CACNG3: variants seen among roughly 807,000 people sequenced by gnomAD.
CACNG3 encodes calcium voltage-gated channel auxiliary subunit gamma 3.
In CACNG3, 3 loss-of-function variants were observed where a neutral mutation model predicts 28.5. That is an observed-to-expected ratio of 0.11 (90% confidence interval 0.05 to 0.27). The LOEUF is 0.27. Among genes scored for constraint, CACNG3 ranks in the 10% least tolerant of loss-of-function variants. The pLI, the probability that CACNG3 is intolerant of heterozygous loss-of-function variation, is 1.00. For missense variants in CACNG3, 236 were observed against 414.4 expected, an observed-to-expected ratio of 0.57 and a Z score of 3.74; for synonymous variants, 174 against 162.2, an observed-to-expected ratio of 1.07 and a Z score of -0.55.
intron 1 of CACNG3, among the ~76,000 whole-genome samples, chr16:24,315,373 C>T (rs1224333607): frequency 6.6e-6 from 1 of 151,986 alleles, no homozygotes; most frequent in Admixed American, 6.6e-5. Context: ...TATCACATCA[C>T]TCCTTCCTAC....
At position 24,361,171 on chromosome 16, in the gene CACNG3, A is replaced by T. The variant is rs750305661; in HGVS notation, c.437-181A>T. ...CACATTGCCTGGAACTGAGCAGCAG[A>T]ATTCTTCATTTCCTAAGTGACAGAC... On this transcript the variant is annotated intron_variant, in intron 3 of 3. Transcript: ENST00000005284. The surrounding 1 kb of genome is among the most constrained non-coding windows in gnomAD (Gnocchi z 6.8). Among the ~76,000 whole-genome samples the T allele has an allele frequency of 2.0e-5, 3 of 152,154 alleles. No homozygotes were observed. Among genetic ancestry groups the T allele is most frequent in the Non-Finnish European group, 4.4e-5 (3 of 68,026 alleles).
chr16:24,290,243 C>G lies in CACNG3; in HGVS notation c.211+33278C>G, dbSNP rs1898949341. Among the ~76,000 whole-genome samples the G allele has an allele frequency of 2.0e-5, 3 of 152,054 alleles. No homozygotes were observed. The South Asian group carries it at 6.2e-4, about 32-fold the overall frequency. ...GAATTGGAGAGAGTGTCTAGTTATACAAAATAAGACAAAATAGGATAATTT... is the reference window on the plus strand; with the variant it reads ...GAATTGGAGAGAGTGTCTAGTTATAGAAAATAAGACAAAATAGGATAATTT... On this transcript the variant is annotated intron_variant, in intron 1 of 3. Transcript: ENST00000005284.
chr16:24,262,553 G>A (rs1304434079), intron 1 of CACNG3, among the ~76,000 whole-genome samples: 3 of 152,198 alleles, frequency 2.0e-5, no homozygotes, highest in African/African-American at 7.2e-5. Flanking sequence ...CCTTACTGGG[G>A]CTGCTCAGAT....
In CACNG3 at chr16:24,312,906, AG is replaced by A. The variant is rs962935704; in HGVS notation, c.212-33826del. On this transcript the variant is annotated intron_variant, in intron 1 of 3. Coordinates refer to ENST00000005284, the MANE Select transcript of CACNG3 (RefSeq NM_006539.4). ...AAAAAGAAAGAAAAGGAAAGAAAGA[AG>A]GAAGGAAGGAAGGAAGAAAGAAAGA... Among the ~76,000 whole-genome samples, 53 of 80,076 alleles carry A rather than the reference AG, an allele frequency of 6.6e-4. 1 individual carries two copies. The highest frequency in any genetic ancestry group is 2.7e-3 in the African/African-American group (52 of 19,352). The allele number at this position is 80,076 out of a possible 152,430, so 52.5% of individuals were successfully genotyped here.
chr16:24,277,974 C>G (rs1254430327), intron 1 of CACNG3, among the ~76,000 whole-genome samples: 1 of 152,154 alleles, frequency 6.6e-6, no homozygotes, highest in East Asian at 1.9e-4. Context: ...CTTGGACTCC[C>G]AAAGTGCTGG....
intron 3 of CACNG3, among the ~76,000 whole-genome samples, chr16:24,360,901 C>A (rs1815403229): frequency 6.6e-6 from 1 of 152,162 alleles, no homozygotes. Context: ...CCTCCTGAAC[C>A]ATTTTTATGT....
intron 1 of CACNG3, among the ~76,000 whole-genome samples, chr16:24,340,573 A>G: frequency 6.6e-6 from 1 of 152,196 alleles, no homozygotes; most frequent in East Asian, 1.9e-4. Flanking sequence ...AAAAAGAAAA[A>G]AAGAGTATCC....
chr16:24,296,693 T>G (rs1322728820), intron 1 of CACNG3, among the ~76,000 whole-genome samples: 1 of 152,148 alleles, frequency 6.6e-6, no homozygotes, highest in Non-Finnish European at 1.5e-5. Context: ...TCTGAATAAG[T>G]GAATTAACTT....
intron 2 of CACNG3, among the ~76,000 whole-genome samples, chr16:24,347,168 A>G (rs1476165023): frequency 6.6e-6 from 1 of 152,162 alleles, no homozygotes; most frequent in African/African-American, 2.4e-5. Context: ...AAATTAAAAA[A>G]TTAGCTGCAT....
chr16:24,338,238 T>C (rs531074112), intron 1 of CACNG3, among the ~76,000 whole-genome samples: 1 of 152,140 alleles, frequency 6.6e-6, no homozygotes, highest in Non-Finnish European at 1.5e-5. Flanking sequence ...TGAGCTCAAG[T>C]GTCCCTTCTG....
At chr16:24,358,575 AG>A (rs543412658) in intron 3 of CACNG3, among the ~76,000 whole-genome samples, 17 of 152,226 alleles carry the variant, frequency 1.1e-4, no homozygotes, top group Non-Finnish European at 2.4e-4. Flanking sequence ...GCTATGAATC[AG>A]ACTCTGGGCT....
At chr16:24,308,318 G>A (rs577376498) in intron 1 of CACNG3, among the ~76,000 whole-genome samples, 82 of 152,268 alleles carry the variant, frequency 5.4e-4, no homozygotes, top group Non-Finnish European at 9.9e-4. Context: ...ATTGCTTCCT[G>A]GACTAGATGT....
chr16:24,348,378 T>G (rs554601526), intron 2 of CACNG3, among the ~76,000 whole-genome samples: 1 of 150,674 alleles, frequency 6.6e-6, no homozygotes, highest in Non-Finnish European at 1.5e-5. Flanking sequence ...TTGCATTGAT[T>G]GTGCCATTGC....
At chr16:24,322,213 G>A (rs1207277047) in intron 1 of CACNG3, among the ~76,000 whole-genome samples, 3 of 152,168 alleles carry the variant, frequency 2.0e-5, no homozygotes, top group African/African-American at 7.2e-5. Flanking sequence ...CTCCCATTTG[G>A]ATTGAAATGC....
chr16:24,356,427 C>T (rs1392202321), intron 3 of CACNG3, among the ~76,000 whole-genome samples: 1 of 152,206 alleles, frequency 6.6e-6, no homozygotes, highest in Admixed American at 6.5e-5. Flanking sequence ...TGCAGCTGGG[C>T]TTGGTGGCTC....
At chr16:24,313,087 G>GGAAGGAAA (rs1478425789) in intron 1 of CACNG3, among the ~76,000 whole-genome samples, 1 of 150,058 alleles carries the variant, frequency 6.7e-6, no homozygotes, top group Non-Finnish European at 1.5e-5. Context: ...AAGGAAGGAA[G>GGAAGGAAA]GAAGGAAGGA....
intron 1 of CACNG3, among the ~76,000 whole-genome samples, chr16:24,284,535 A>G (rs1046704259): frequency 2.0e-5 from 3 of 152,096 alleles, no homozygotes; most frequent in Non-Finnish European, 1.5e-5. Flanking sequence ...CTCCGACTGC[A>G]TTTATAATTG....
chr16:24,354,002 G>C (rs897988546), intron 2 of CACNG3, among the ~76,000 whole-genome samples: 1 of 152,088 alleles, frequency 6.6e-6, no homozygotes, highest in Admixed American at 6.5e-5. Context: ...AGACCAGCCT[G>C]GGTAACTTGG....
intron 1 of CACNG3, among the ~76,000 whole-genome samples, chr16:24,305,660 G>A (rs1899176301): frequency 6.6e-6 from 1 of 152,124 alleles, no homozygotes; most frequent in Admixed American, 6.6e-5. Context: ...TGGGGAGCAA[G>A]AGGAGGGAGA....
Sources: allele counts gnomAD v4.1 joint callset (sites outside exome capture counted in the v4.1 genomes callset), GRCh38; gene constraint gnomAD v4.1.1; non-coding constraint Gnocchi (gnomAD v3.1); transcripts MANE v1.5; gene names NCBI Gene and HGNC (gene_info 2026-07-23, HGNC 2026-07-21).